The following BNC2 variants were observed in gnomAD, a reference collection of about 807,000 sequenced individuals.
BNC2 encodes the protein zinc finger protein basonuclin-2.
BNC2 carries 20 observed loss-of-function variants against 76.3 expected under a neutral mutation model. That is an observed-to-expected ratio of 0.26 (90% confidence interval 0.18 to 0.38). The LOEUF (loss-of-function observed/expected upper bound fraction) is 0.38, where lower values mean the gene tolerates loss of function less well. BNC2 is among the 10% of genes least tolerant of loss of function. The pLI is 1.00. For missense variants in BNC2, 1,382 were observed against 1,399.8 expected (o/e 0.99, Z 0.20); for synonymous variants, 582 against 514.8 (o/e 1.13, Z -1.77).
intron 5 of BNC2, among the ~76,000 whole-genome samples, chr9:16,475,088 TACACCATGGTGA>T (rs1450454072): frequency 6.6e-6 from 1 of 152,176 alleles, no homozygotes. Context: ...GGTCTGACTT[TACACCATGGTGA>T]ACTCCAGGAA....
intron 5 of BNC2, among the ~76,000 whole-genome samples, chr9:16,461,212 C>A (rs894395175): frequency 3.9e-5 from 6 of 152,084 alleles, no homozygotes; most frequent in Non-Finnish European, 8.8e-5. Flanking sequence ...ATCAGTAAGT[C>A]TTTTTCAAAA....
intron 5 of BNC2, among the ~76,000 whole-genome samples, chr9:16,443,604 G>T (rs893183837): frequency 6.7e-6 from 1 of 150,050 alleles, no homozygotes; most frequent in Non-Finnish European, 1.5e-5. Flanking sequence ...TTTTCTAGAT[G>T]TTCAAGTCTT....
chr9:16,609,342 A>G (rs1175559243), intron 3 of BNC2, among the ~76,000 whole-genome samples: 3 of 152,094 alleles, frequency 2.0e-5, no homozygotes, highest in South Asian at 2.1e-4. Flanking sequence ...AGAGGGGGGG[A>G]AACCATAGGG....
chr9:16,713,807 C>T (rs927233993), intron 3 of BNC2, among the ~76,000 whole-genome samples: 1 of 152,032 alleles, frequency 6.6e-6, no homozygotes, highest in Non-Finnish European at 1.5e-5. Context: ...GGCGTGGTGC[C>T]CTCATGCTTC....
intron 5 of BNC2, among the ~76,000 whole-genome samples, chr9:16,527,095 A>G (rs1239032149): frequency 6.6e-6 from 1 of 152,208 alleles, no homozygotes; most frequent in African/African-American, 2.4e-5. Flanking sequence ...AAGAGAGCAC[A>G]TGTCCAAACA....
chr9:16,824,198 A>G (rs1292019826), intron 1 of BNC2, among the ~76,000 whole-genome samples: 3 of 152,194 alleles, frequency 2.0e-5, no homozygotes, highest in African/African-American at 7.2e-5. Context: ...GACAGTGAGG[A>G]GGATAATATA....
chr9:16,795,609 A>G (rs1056354026), intron 1 of BNC2, among the ~76,000 whole-genome samples: 4 of 152,096 alleles, frequency 2.6e-5, no homozygotes, highest in African/African-American at 9.7e-5. Flanking sequence ...CAACATTCCC[A>G]GGCTGATCCC....
intron 1 of BNC2, among the ~76,000 whole-genome samples, chr9:16,869,939 G>C (rs1157100608): frequency 6.6e-6 from 1 of 152,112 alleles, no homozygotes; most frequent in African/African-American, 2.4e-5. Flanking sequence ...CCACCCTCCA[G>C]TCAACGTGCA....
chr9:16,822,087 C>T (rs1456117697), intron 1 of BNC2, among the ~76,000 whole-genome samples: 5 of 105,232 alleles, frequency 4.8e-5, no homozygotes, highest in East Asian at 3.0e-4. Flanking sequence ...AGCCAGACTC[C>T]ATCTCAAAAA....
intron 2 of BNC2, among the ~76,000 whole-genome samples, chr9:16,733,398 TG>T (rs1166601414): frequency 6.6e-6 from 1 of 152,202 alleles, no homozygotes; most frequent in Non-Finnish European, 1.5e-5. Context: ...TTTGACTCAC[TG>T]TAAAGAAATG....
At chr9:16,696,479 T>G (rs766453889) in intron 3 of BNC2, among the ~76,000 whole-genome samples, 1 of 152,186 alleles carries the variant, frequency 6.6e-6, no homozygotes. Flanking sequence ...TCCATGAAAT[T>G]TCCTGATACC....
intron 1 of BNC2, among the ~76,000 whole-genome samples, chr9:16,860,747 C>G (rs1819385798): frequency 6.6e-6 from 1 of 152,122 alleles, no homozygotes; most frequent in Admixed American, 6.6e-5. Context: ...ATCAAAAAGT[C>G]AAAAGACAGC....
intron 1 of BNC2, among the ~76,000 whole-genome samples, chr9:16,773,430 C>T (rs1825880308): frequency 6.6e-6 from 1 of 151,222 alleles, no homozygotes. Context: ...CAAATCTTTT[C>T]AGCGTCACAA....
At chr9:16,502,327 G>A (rs757122640) in intron 5 of BNC2, among the ~76,000 whole-genome samples, 6 of 152,158 alleles carry the variant, frequency 3.9e-5, no homozygotes, top group Admixed American at 1.3e-4. Flanking sequence ...TAGCCTGGGC[G>A]ACAGAGCAAG....
At chr9:16,515,098 G>A (rs1453116061) in intron 5 of BNC2, among the ~76,000 whole-genome samples, 2 of 152,156 alleles carry the variant, frequency 1.3e-5, no homozygotes, top group Non-Finnish European at 2.9e-5. Context: ...TGCATCAATA[G>A]GACCACTGAA....
intron 6 of BNC2, among the ~76,000 whole-genome samples, chr9:16,426,254 T>C (rs1375374910): frequency 6.6e-6 from 1 of 152,004 alleles, no homozygotes; most frequent in Non-Finnish European, 1.5e-5. Flanking sequence ...CCTTACTTTA[T>C]AAAGATTTTA....
chr9:16,697,379 A>G (rs560298532), intron 3 of BNC2, among the ~76,000 whole-genome samples: 5 of 152,108 alleles, frequency 3.3e-5, no homozygotes, highest in African/African-American at 1.2e-4. Flanking sequence ...TAATTAATTA[A>G]AGAGGTCGTT....
At chr9:16,658,223 A>G (rs1363927611) in intron 3 of BNC2, among the ~76,000 whole-genome samples, 2 of 152,258 alleles carry the variant, frequency 1.3e-5, no homozygotes, top group African/African-American at 4.8e-5. Context: ...TTAGACATTT[A>G]CAAAAATTTT....
At chr9:16,795,631 C>CA (rs1325501207) in intron 1 of BNC2, among the ~76,000 whole-genome samples, 3 of 152,144 alleles carry the variant, frequency 2.0e-5, no homozygotes, top group Non-Finnish European at 4.4e-5. Context: ...GGCTCACACA[C>CA]ACTGCTCCAG....
Sources: allele counts gnomAD v4.1 joint callset (sites outside exome capture counted in the v4.1 genomes callset), GRCh38; gene constraint gnomAD v4.1.1; transcripts MANE v1.5; gene names NCBI Gene and HGNC (gene_info 2026-07-23, HGNC 2026-07-21).